Variants in THSD7B observed in about 807,000 individuals in gnomAD.
THSD7B encodes thrombospondin type-1 domain-containing protein 7B.
Under a neutral mutation model 213.6 loss-of-function variants are expected in THSD7B, and 138 were observed. That is an observed-to-expected ratio of 0.65 (90% confidence interval 0.56 to 0.74). The LOEUF (loss-of-function observed/expected upper bound fraction) is 0.74, where lower values mean the gene tolerates loss of function less well. Among genes scored for constraint, THSD7B ranks in the 30% least tolerant of loss-of-function variants. The probability of loss-of-function intolerance (pLI) is 0.00; values close to 1 mark genes in which losing one functional copy is unlikely to be tolerated. For missense variants in THSD7B, 1,931 were observed against 1,991.5 expected (o/e 0.97, Z 0.58); for synonymous variants, 742 against 687.0 (o/e 1.08, Z -1.25).
At chr2:137,655,337 G>A (rs1407959585) in intron 21 of THSD7B, among the ~76,000 whole-genome samples, 164 bp from the exon 22 acceptor site, 1 of 152,198 alleles carries the variant, frequency 6.6e-6, no homozygotes, top group Non-Finnish European at 1.5e-5. Context: ...CTCTGGCAGT[G>A]TTGCTCAGGG....
At chr2:137,089,045 C>T (rs1687896003) in intron 3 of THSD7B, among the ~76,000 whole-genome samples, 1 of 152,074 alleles carries the variant, frequency 6.6e-6, no homozygotes, top group Non-Finnish European at 1.5e-5. Context: ...AGTGTAACCA[C>T]TATGAAAAAC....
At chr2:136,783,344 C>G (rs1009400772) in intron 1 of THSD7B, among the ~76,000 whole-genome samples, 1 of 152,080 alleles carries the variant, frequency 6.6e-6, no homozygotes, top group Non-Finnish European at 1.5e-5. Context: ...GTTCTCATAT[C>G]AGGCAGAATT....
At chr2:137,387,805 C>G (rs750410063) in intron 12 of THSD7B, among the ~76,000 whole-genome samples, 2 of 152,152 alleles carry the variant, frequency 1.3e-5, no homozygotes, top group Non-Finnish European at 2.9e-5. Flanking sequence ...CATTACACGT[C>G]CCTTTCATTC....
At chr2:137,389,005 A>G (rs1192904663) in intron 12 of THSD7B, among the ~76,000 whole-genome samples, 1 of 151,798 alleles carries the variant, frequency 6.6e-6, no homozygotes, top group Non-Finnish European at 1.5e-5. Flanking sequence ...GAGGTGATAT[A>G]CTGATTTTCT....
intron 1 of THSD7B, among the ~76,000 whole-genome samples, chr2:136,767,334 T>G (rs977631853): frequency 5.9e-5 from 9 of 152,194 alleles, no homozygotes; most frequent in Non-Finnish European, 1.2e-4. Context: ...TTTTTAAACC[T>G]TAGTGCCATT....
chr2:137,358,878 G>A (rs987703415), intron 12 of THSD7B, among the ~76,000 whole-genome samples: 14 of 152,158 alleles, frequency 9.2e-5, no homozygotes, highest in African/African-American at 3.4e-4. Flanking sequence ...CACAAATAGT[G>A]TATATTAGCA....
chr2:136,782,859 C>T (rs1681767488), intron 1 of THSD7B, among the ~76,000 whole-genome samples: 1 of 151,942 alleles, frequency 6.6e-6, no homozygotes, highest in Non-Finnish European at 1.5e-5. Context: ...TTCAAAGCAT[C>T]ATGTTGTACA....
intron 5 of THSD7B, among the ~76,000 whole-genome samples, chr2:137,146,812 GGGA>G (rs780979012): frequency 7.2e-5 from 11 of 152,104 alleles, no homozygotes; most frequent in Non-Finnish European, 1.5e-4. Flanking sequence ...AAATTACTGA[GGGA>G]GGAGATCATG....
At chr2:137,600,989 G>T (rs186124153) in intron 17 of THSD7B, among the ~76,000 whole-genome samples, 5 of 151,606 alleles carry the variant, frequency 3.3e-5, no homozygotes, top group Admixed American at 3.3e-4. Context: ...GTTTAAATAG[G>T]AAAAAAATTA....
At chr2:137,163,886 G>C (rs546568647) in intron 6 of THSD7B, among the ~76,000 whole-genome samples, 1 of 152,324 alleles carries the variant, frequency 6.6e-6, no homozygotes, top group African/African-American at 2.4e-5. Flanking sequence ...TTGGCAGTAA[G>C]GATCTGGTTT....
At chr2:137,458,862 C>T (rs1320371244) in intron 15 of THSD7B, among the ~76,000 whole-genome samples, 1 of 152,104 alleles carries the variant, frequency 6.6e-6, no homozygotes, top group East Asian at 1.9e-4. Context: ...TCAGTGATTA[C>T]ACCATTCTTG....
intron 2 of THSD7B, among the ~76,000 whole-genome samples, chr2:136,882,938 T>C (rs1344711): frequency 0.86 from 130,856 of 152,138 alleles, 56,659 homozygotes; most frequent in Non-Finnish European, 0.91. Context: ...AATTTGGCTG[T>C]GAAAAAGATC....
intron 2 of THSD7B, among the ~76,000 whole-genome samples, chr2:137,030,105 G>A (rs1375644071): frequency 6.6e-6 from 1 of 152,064 alleles, no homozygotes; most frequent in Non-Finnish European, 1.5e-5. Context: ...ATGTGTGGGT[G>A]CGTGCATGAG....
At chr2:136,859,526 G>A (rs1683227788) in intron 1 of THSD7B, among the ~76,000 whole-genome samples, 1 of 152,190 alleles carries the variant, frequency 6.6e-6, no homozygotes, top group Admixed American at 6.5e-5. Flanking sequence ...GCTACTTAGA[G>A]AGTAGAAGAA....
intron 1 of THSD7B, among the ~76,000 whole-genome samples, chr2:136,847,966 C>G (rs1683037760): frequency 6.6e-6 from 1 of 152,146 alleles, no homozygotes; most frequent in African/African-American, 2.4e-5. Flanking sequence ...TAAAGGTTCC[C>G]CTCACACCAT....
chr2:136,860,527 T>C (rs537881813), intron 1 of THSD7B, among the ~76,000 whole-genome samples: 20 of 152,226 alleles, frequency 1.3e-4, no homozygotes, highest in Non-Finnish European at 2.5e-4. Context: ...CCCTATCTGT[T>C]AGTAGCAATT....
intron 14 of THSD7B, among the ~76,000 whole-genome samples, chr2:137,433,100 G>C (rs1469703712): frequency 1.3e-5 from 2 of 152,102 alleles, no homozygotes; most frequent in Admixed American, 1.3e-4. Context: ...AAGATATTAA[G>C]AAAGTATATA....
At chr2:137,492,972 T>G (rs1284664505) in intron 15 of THSD7B, among the ~76,000 whole-genome samples, 1 of 151,300 alleles carries the variant, frequency 6.6e-6, no homozygotes, top group Non-Finnish European at 1.5e-5. Context: ...ATATAAAAAA[T>G]TAGCCGGGCG....
In THSD7B at chr2:136,809,329, G is replaced by C. The variant is rs529433112; in HGVS notation, c.-36+43642G>C. Among the ~76,000 whole-genome samples the C allele has an allele frequency of 3.3e-5, 5 of 152,296 alleles. No individual in the cohort carries two copies. In the South Asian group the frequency reaches 1.0e-3, roughly 32 times the overall value. On this transcript the variant is annotated intron_variant, in intron 1 of 27. Coordinates refer to ENST00000409968, the MANE Select transcript of THSD7B (RefSeq NM_001316349.2). Reference sequence around the variant, plus strand: ...ACATTAGGGGCAAAGAGAAGACTCAGAGCAGATGCCTGAAAGCACAATGCT... The same window carrying C: ...ACATTAGGGGCAAAGAGAAGACTCACAGCAGATGCCTGAAAGCACAATGCT...
Sources: gnomAD v4.1 joint callset for allele counts (sites outside exome capture counted in the v4.1 genomes callset) on GRCh38, gnomAD v4.1.1 for gene constraint, MANE v1.5 for transcripts, NCBI Gene and HGNC (gene_info 2026-07-23, HGNC 2026-07-21) for gene names.